SLC2A5: variants seen among roughly 807,000 people sequenced by gnomAD.
The protein encoded by SLC2A5 is solute carrier family 2 member 5, also known as solute carrier family 2, facilitated glucose transporter member 5.
A neutral mutation model predicts 50.3 loss-of-function variants in SLC2A5; 56 were observed. That is an observed-to-expected ratio of 1.11 (90% CI 0.90 to 1.39). The LOEUF (loss-of-function observed/expected upper bound fraction) is 1.39, where lower values mean the gene tolerates loss of function less well. Ranked by LOEUF, SLC2A5 falls within the 40% of genes most tolerant of loss-of-function variation. The probability of loss-of-function intolerance (pLI) is 0.00; values close to 1 mark genes in which losing one functional copy is unlikely to be tolerated. For missense variants in SLC2A5, 566 were observed against 650.1 expected (o/e 0.87, Z 1.41); for synonymous variants, 269 against 281.9 (o/e 0.95, Z 0.46).
At chr1:9,087,043 G>A (rs539164970) in intron 1 of SLC2A5, among the ~76,000 whole-genome samples, 3 of 152,106 alleles carry the variant, frequency 2.0e-5, no homozygotes, top group Non-Finnish European at 4.4e-5. Flanking sequence ...GAAACATTCC[G>A]AATCTATGAT....
intron 3 of SLC2A5, among the ~76,000 whole-genome samples, chr1:9,056,287 G>T (rs148887764): frequency 4.1e-4 from 62 of 152,270 alleles, no homozygotes; most frequent in Middle Eastern, 3.4e-3. Context: ...CCAGGCTCAA[G>T]CAATTCTCCG....
At chr1:9,069,372 C>T in intron 1 of SLC2A5, 132 bp downstream of exon 1, 1 of 905,940 alleles carries the variant, frequency 1.1e-6, no homozygotes, top group Non-Finnish European at 1.7e-6. Context: ...TCCCCCTCTC[C>T]CCACCATAAT....
At chr1:9,078,575 G>C (rs928656478) in intron 2 of SLC2A5, among the ~76,000 whole-genome samples, 1 of 152,154 alleles carries the variant, frequency 6.6e-6, no homozygotes, top group Non-Finnish European at 1.5e-5. Context: ...AGAACCACTT[G>C]TATCCCCAAA....
At chr1:9,053,055 ATAATATATATTATATATTTATATAT>A (rs1362696548) in intron 3 of SLC2A5, among the ~76,000 whole-genome samples, 2,303 of 94,732 alleles carry the variant, frequency 0.024, 101 homozygotes, top group African/African-American at 0.091. Flanking sequence ...ATATTAATAT[ATAATATATATTATATATTTATATAT>A]TAATATATAA....
rs572301184 is a variant in SLC2A5 at position 9,055,787 on chromosome 1, AC to A, written c.293+1660del. 3.7e-3 allele frequency among the ~76,000 whole-genome samples: 561 copies of A among 149,852 alleles called. 2 individuals are homozygous for A. Among genetic ancestry groups the A allele is most frequent in the South Asian group, 8.1e-3 (38 of 4,710 alleles). On this transcript the variant is annotated intron_variant, in intron 3 of 11. Transcript: ENST00000377424. ...AAAGATTAGCTGCGCGTGGTGGCAG[AC>A]ACCTGTAATCCCAGCTACTTGGGAA...
At chr1:9,057,407 G>C in intron 3 of SLC2A5, 41 bp downstream of exon 3, 1 of 1,507,810 alleles carries the variant, frequency 6.6e-7, no homozygotes, top group Non-Finnish European at 9.1e-7. Context: ...TCTGATGGGG[G>C]TCTATGAGTT....
Position 9,054,158 on chromosome 1 carries a change from C to T in SLC2A5, c.293+3290G>A, listed in dbSNP as rs575711981. ...CACGGAGGAACTTCATGGAGAAAAT[C>T]GGGGAGGGGCAATATTTGTAGAGAT... is the stretch of plus-strand genomic sequence containing the variant. On this transcript the variant is annotated intron_variant, in intron 3 of 11. Transcript: ENST00000377424. Among the ~76,000 whole-genome samples the T allele has an allele frequency of 2.0e-3, 310 of 152,042 alleles. 9 individuals carry two copies. The highest frequency in any genetic ancestry group is 0.02 in the Admixed American group (302 of 15,236).
At chr1:9,085,437 G>C (rs182213306) in intron 1 of SLC2A5, among the ~76,000 whole-genome samples, 507 of 152,326 alleles carry the variant, frequency 3.3e-3, no homozygotes, top group Non-Finnish European at 4.2e-3. Flanking sequence ...TTTGTCTAAA[G>C]ACCTGGGATT....
chr1:9,047,030 C>T (rs1046399808), intron 4 of SLC2A5, among the ~76,000 whole-genome samples: 2 of 152,118 alleles, frequency 1.3e-5, no homozygotes, highest in East Asian at 3.8e-4. Flanking sequence ...TCTGCTTCCC[C>T]TTCCATCATG....
intron 1 of SLC2A5, among the ~76,000 whole-genome samples, chr1:9,059,987 CACACACACACACACACACACACACACT>C (rs202094894): frequency 0.074 from 5,602 of 76,088 alleles, 190 homozygotes; most frequent in East Asian, 0.18. Context: ...AAACATACTA[CACACACACACACACACACACACACACT>C]ACACACACAC....
intron 2 of SLC2A5, among the ~76,000 whole-genome samples, chr1:9,084,852 A>T (rs1642387732): frequency 6.6e-6 from 1 of 151,822 alleles, no homozygotes; most frequent in African/African-American, 2.4e-5. Flanking sequence ...AATCCACTTC[A>T]CTCCAGACCT....
At chr1:9,076,238 G>A (rs1265354636) in intron 2 of SLC2A5, among the ~76,000 whole-genome samples, 1 of 152,148 alleles carries the variant, frequency 6.6e-6, no homozygotes, top group Admixed American at 6.6e-5. Context: ...TTACAGGCGT[G>A]AGCCACTGCA....
chr1:9,038,158 C>T (rs1013034002), intron 10 of SLC2A5, 134 bp from the exon 11 acceptor site: 30 of 1,069,748 alleles, frequency 2.8e-5, no homozygotes, highest in Admixed American at 2.8e-4. Context: ...TGGGGCAGCA[C>T]GTAGGGGGCA....
chr1:9,040,113 G>T lies in SLC2A5; in HGVS notation c.648C>A (p.Ser216Arg). 2.5e-6 allele frequency: 4 copies of T among 1,600,792 alleles called. No homozygotes were observed. In the South Asian group the frequency reaches 3.4e-5, roughly 13 times the overall value. ...TCTTCTGAATCAGCAGGTACCTGGG[G>T]CTCTCGGGGAAGAAGGGCAGCAGAA... ...QLLLLPFFPESPRYLLIQKKD... is the reference protein window; with the variant it reads ...QLLLLPFFPERPRYLLIQKKD... Residue 216 changes from serine to arginine, a missense_variant, in exon 6 of 12, where the codon AGC (serine) becomes AGA (arginine). Transcript: ENST00000377424. The surrounding 1 kb of genome is among the most constrained non-coding windows in gnomAD (Gnocchi z 4.3).
At chr1:9,087,484 G>A (rs950112647) in intron 1 of SLC2A5, among the ~76,000 whole-genome samples, 19 of 152,040 alleles carry the variant, frequency 1.2e-4, no homozygotes, top group African/African-American at 4.1e-4. Context: ...AATTACAGGC[G>A]TGAGCCACCA....
At chr1:9,056,477 G>A (rs1035028915) in intron 3 of SLC2A5, among the ~76,000 whole-genome samples, 7 of 152,004 alleles carry the variant, frequency 4.6e-5, no homozygotes, top group South Asian at 2.1e-4. Flanking sequence ...GAGCCACTGC[G>A]CCCAGCTGTG....
rs115993221 is a variant in SLC2A5 at position 9,046,492 on chromosome 1, T to C, written c.418+1118A>G. Reference sequence around the variant, plus strand: ...GCTCAGCAGGTGGGCATTTCAGGAATAGAACTCAGTACGCCCTTGGCAAAC... The same window carrying C: ...GCTCAGCAGGTGGGCATTTCAGGAACAGAACTCAGTACGCCCTTGGCAAAC... On this transcript the variant is annotated intron_variant, in intron 4 of 11. Coordinates refer to ENST00000377424, the MANE Select transcript of SLC2A5 (RefSeq NM_003039.3). Among the ~76,000 whole-genome samples, 665 of 152,270 alleles carry C rather than the reference T, an allele frequency of 4.4e-3. 3 individuals carry two copies. Among genetic ancestry groups the C allele is most frequent in the African/African-American group, 0.015 (617 of 41,548 alleles).
chr1:9,067,125 C>T (rs898111435), intron 1 of SLC2A5, among the ~76,000 whole-genome samples: 3 of 152,182 alleles, frequency 2.0e-5, no homozygotes, highest in Admixed American at 1.3e-4. Context: ...CTGTAGCCTT[C>T]GCCTGCCCCC....
At chr1:9,064,909 C>T (rs1335136251) in intron 1 of SLC2A5, among the ~76,000 whole-genome samples, 1 of 151,868 alleles carries the variant, frequency 6.6e-6, no homozygotes, top group Non-Finnish European at 1.5e-5. Context: ...AAAAGTTAGC[C>T]GGGCATGGTG....
Sources: allele counts gnomAD v4.1 joint callset (sites outside exome capture counted in the v4.1 genomes callset), GRCh38; gene constraint gnomAD v4.1.1; non-coding constraint Gnocchi (gnomAD v3.1); transcripts MANE v1.5; gene names NCBI Gene and HGNC (gene_info 2026-07-23, HGNC 2026-07-21).